TLE4: variants seen among roughly 807,000 people sequenced by gnomAD.
TLE4 encodes transducin-like enhancer protein 4.
In TLE4, 8 loss-of-function variants were observed where a neutral mutation model predicts 92.8. That is an observed-to-expected ratio of 0.09 (90% CI 0.05 to 0.16). The LOEUF (loss-of-function observed/expected upper bound fraction) is 0.16, where lower values mean the gene tolerates loss of function less well. TLE4 is among the 10% of genes least tolerant of loss of function. The pLI is 1.00. For synonymous variants in TLE4, 371 were observed against 374.1 expected (o/e 0.99, Z 0.10); for missense variants, 675 against 997.6 (o/e 0.68, Z 4.36).
intron 5 of TLE4, among the ~76,000 whole-genome samples, chr9:79,624,505 G>C (rs2051957688): frequency 1.3e-5 from 2 of 152,158 alleles, no homozygotes; most frequent in South Asian, 4.1e-4. Flanking sequence ...GTAGAATTCT[G>C]AACTGCAGGT....
At chr9:79,712,557 T>C (rs1463503220) in intron 14 of TLE4, among the ~76,000 whole-genome samples, 4 of 152,240 alleles carry the variant, frequency 2.6e-5, no homozygotes, top group African/African-American at 7.2e-5. Context: ...GAAAGACTTA[T>C]AAAAGTTATG....
chr9:79,655,963 A>G (rs1250849912), intron 8 of TLE4, among the ~76,000 whole-genome samples: 3 of 152,164 alleles, frequency 2.0e-5, no homozygotes, highest in Admixed American at 6.5e-5. Flanking sequence ...ATCATCAATA[A>G]TCATTCAGGG....
chr9:79,697,390 TC>T (rs1340332604), intron 8 of TLE4, among the ~76,000 whole-genome samples: 1 of 152,210 alleles, frequency 6.6e-6, no homozygotes. Context: ...TTTGGATTCT[TC>T]TCTCCATCAG....
At chr9:79,638,531 T>C (rs1317388757) in intron 6 of TLE4, among the ~76,000 whole-genome samples, 1 of 152,116 alleles carries the variant, frequency 6.6e-6, no homozygotes, top group Non-Finnish European at 1.5e-5. Context: ...AGTCTGACCC[T>C]TGTGATTCTC....
intron 8 of TLE4, among the ~76,000 whole-genome samples, chr9:79,664,816 G>T (rs1045837778): frequency 6.6e-6 from 1 of 152,066 alleles, no homozygotes; most frequent in African/African-American, 2.4e-5. Flanking sequence ...ATGTTCACTT[G>T]TAAACTGTTT....
At chr9:79,703,983 AGTT>A (rs1172908816) in intron 8 of TLE4, among the ~76,000 whole-genome samples, 1 of 151,812 alleles carries the variant, frequency 6.6e-6, no homozygotes, top group South Asian at 2.1e-4. Flanking sequence ...TCTACTTTAT[AGTT>A]TTTCTATAGA....
At chr9:79,642,147 C>A (rs2057279986) in intron 6 of TLE4, among the ~76,000 whole-genome samples, 1 of 151,858 alleles carries the variant, frequency 6.6e-6, no homozygotes, top group Non-Finnish European at 1.5e-5. Context: ...ATCTGAGGTT[C>A]ATTCCACCTC....
chr9:79,678,341 G>C (rs572037916), intron 8 of TLE4, among the ~76,000 whole-genome samples: 8 of 152,192 alleles, frequency 5.3e-5, no homozygotes, highest in African/African-American at 1.4e-4. Context: ...AAATGTCCTT[G>C]TTTATCAGCA....
chr9:79,697,514 A>G (rs192323673), intron 8 of TLE4, among the ~76,000 whole-genome samples: 69 of 152,180 alleles, frequency 4.5e-4, no homozygotes, highest in East Asian at 3.7e-3. Flanking sequence ...AGCTCCCTAC[A>G]TAAGAATCAA....
At chr9:79,668,869 A>G in intron 8 of TLE4, 2 of 981,606 alleles carry the variant, frequency 2.0e-6, no homozygotes, top group Non-Finnish European at 2.4e-6. Context: ...TTTTAGTGAA[A>G]TAGCAAAAGC....
chr9:79,662,333 G>A (rs928548348), intron 8 of TLE4, among the ~76,000 whole-genome samples: 8 of 152,268 alleles, frequency 5.3e-5, no homozygotes, highest in African/African-American at 1.9e-4. Flanking sequence ...TGGGAGAGGG[G>A]AGGTAAATAA....
intron 8 of TLE4, among the ~76,000 whole-genome samples, chr9:79,701,511 G>A (rs1339887647): frequency 1.3e-5 from 2 of 152,128 alleles, no homozygotes; most frequent in Admixed American, 6.5e-5. Context: ...ACTTTCAATA[G>A]AATATAGCAG....
intron 6 of TLE4, among the ~76,000 whole-genome samples, chr9:79,633,186 C>A (rs1194430584): frequency 6.6e-6 from 1 of 152,134 alleles, no homozygotes; most frequent in African/African-American, 2.4e-5. Flanking sequence ...CAAAGACTCT[C>A]ATATATTTAA....
At chr9:79,630,758 T>C (rs1433340545) in intron 6 of TLE4, among the ~76,000 whole-genome samples, 1 of 152,242 alleles carries the variant, frequency 6.6e-6, no homozygotes, top group Non-Finnish European at 1.5e-5. Flanking sequence ...GCTTTTTAAA[T>C]CTATTACACT....
At chr9:79,627,549 A>G in intron 6 of TLE4, 101 bp downstream of exon 6, 1 of 1,146,950 alleles carries the variant, frequency 8.7e-7, no homozygotes, top group Non-Finnish European at 1.3e-6. Flanking sequence ...AAAAAGCAAT[A>G]GATGACTACA....
intron 4 of TLE4, among the ~76,000 whole-genome samples, chr9:79,600,842 C>T (rs1281916355): frequency 6.6e-6 from 1 of 152,202 alleles, no homozygotes; most frequent in East Asian, 1.9e-4. Context: ...TCCACCACCA[C>T]ACCTTGAATT....
At chr9:79,704,551 C>T (rs1196797594) in intron 8 of TLE4, 8 of 523,752 alleles carry the variant, frequency 1.5e-5, no homozygotes, top group South Asian at 2.9e-5. Context: ...TGCCTCTTCT[C>T]GTTTTTTCTT....
intron 6 of TLE4, 84 bp downstream of exon 6, chr9:79,627,532 A>G (rs910096286): frequency 7.3e-7 from 1 of 1,372,756 alleles, no homozygotes; most frequent in African/African-American, 1.4e-5. Context: ...TGTTCCGCCA[A>G]AGGGGCAAAA....
chr9:79,671,073 C>T (rs555070299), intron 8 of TLE4: 15 of 256,048 alleles, frequency 5.9e-5, no homozygotes, highest in Admixed American at 7.9e-5. Context: ...AAAAAATCTA[C>T]AAAATGGATC....
Sources: gnomAD v4.1 joint callset for allele counts (sites outside exome capture counted in the v4.1 genomes callset) on GRCh38, gnomAD v4.1.1 for gene constraint, MANE v1.5 for transcripts, NCBI Gene and HGNC (gene_info 2026-07-23, HGNC 2026-07-21) for gene names.